The following RAB15 variants were observed in gnomAD, a reference collection of about 807,000 sequenced individuals.
The protein encoded by RAB15 is ras-related protein Rab-15.
A neutral mutation model predicts 31.8 loss-of-function variants in RAB15; 13 were observed. The observed-to-expected ratio is 0.41, with a 90% CI of 0.27 to 0.65. RAB15 has a LOEUF of 0.65. RAB15 is among the 30% of genes least tolerant of loss of function. The pLI, the probability that RAB15 is intolerant of heterozygous loss-of-function variation, is 0.32. For synonymous variants in RAB15, 100 were observed against 105.6 expected (o/e 0.95, Z 0.33); for missense variants, 220 against 277.3 (o/e 0.79, Z 1.47).
At chr14:64,956,915 C>A (rs1001551050) in intron 1 of RAB15, among the ~76,000 whole-genome samples, 8 of 150,802 alleles carry the variant, frequency 5.3e-5, no homozygotes, top group Non-Finnish European at 7.4e-5. Flanking sequence ...TCAGGCAAGT[C>A]TCAACTTCTC....
rs940656845 is a variant in RAB15, at chr14:64,950,799, G to A, written c.324+275C>T. The A allele has an allele frequency of 1.5e-6, 1 of 649,884 alleles. No homozygotes were observed. The highest frequency in any genetic ancestry group is 2.7e-6 in the Non-Finnish European group (1 of 372,014). The allele number at this position is 649,884 out of a possible 1,614,324, so 40.3% of individuals were successfully genotyped here. On this transcript the variant is annotated intron_variant, in intron 4 of 6. Coordinates refer to ENST00000533601, the MANE Select transcript of RAB15 (RefSeq NM_001308154.2). This position sits in a 1 kb window ranked among gnomAD's most constrained non-coding sequence, Gnocchi z 5.6. ...AGATCCCAATCTTGCAACTCCACCT[G>A]GTCCCAAGATTTCAGGAAAGAAGCT...
chr14:64,964,742 AT>A (rs1456555920), intron 1 of RAB15, among the ~76,000 whole-genome samples: 3 of 151,578 alleles, frequency 2.0e-5, no homozygotes, highest in Admixed American at 6.6e-5. Flanking sequence ...CACCCGGCTA[AT>A]TTTTTGTATT....
rs1886243919 is a variant in RAB15 at position 64,951,459 on chromosome 14, C to G, written c.246+144G>C. On this transcript the variant is annotated intron_variant, in intron 3 of 6. Transcript: ENST00000533601. The surrounding 1 kb of genome is among the most constrained non-coding windows in gnomAD (Gnocchi z 7.2). ...CATGAACAATGGACGGACAAATGAT[C>G]AGTGAACAGCTGAAAGACGCCCTGC... 2 of 812,052 alleles carry G rather than the reference C, an allele frequency of 2.5e-6. No individual in the cohort carries two copies. The highest frequency in any genetic ancestry group is 1.8e-5 in the Admixed American group (1 of 56,666). The allele number at this position is 812,052 out of a possible 1,614,324, so 50.3% of individuals were successfully genotyped here.
Position 64,948,615 on chromosome 14 carries a change from C to A in RAB15, c.480+53G>T. ...GTCCATCTTATGGCTCCTCCTCCCA[C>A]CTCTGCTGGACTCAGCCCGAGAGAG... is the stretch of plus-strand genomic sequence containing the variant. On this transcript the variant is annotated intron_variant, in intron 6 of 6. Transcript: ENST00000533601. The surrounding 1 kb of genome is among the most constrained non-coding windows in gnomAD (Gnocchi z 7.0). 3 of 1,612,232 alleles carry A rather than the reference C, an allele frequency of 1.9e-6. No individual in the cohort carries two copies. Among genetic ancestry groups the A allele is most frequent in the Non-Finnish European group, 2.5e-6 (3 of 1,178,578 alleles).
intron 5 of RAB15, among the ~76,000 whole-genome samples, chr14:64,949,207 G>A (rs1211608746): frequency 6.6e-6 from 1 of 152,236 alleles, no homozygotes; most frequent in African/African-American, 2.4e-5. Flanking sequence ...GTGGGGTCGT[G>A]CACTTAAAAG....
chr14:64,962,947 A>G lies in RAB15; in HGVS notation c.124+9006T>C, dbSNP rs149012368. Among the ~76,000 whole-genome samples the G allele has an allele frequency of 6.4e-4, 97 of 152,174 alleles. No homozygotes were observed. The highest frequency in any genetic ancestry group is 2.3e-3 in the African/African-American group (94 of 41,512). ...GAAGAATACACCAAGAAACTTCTCA[A>G]ATGCCAGCAAGGCCAACTTCAGAAC... On this transcript the variant is annotated intron_variant, in intron 1 of 6. Transcript: ENST00000533601. The surrounding 1 kb of genome is among the most constrained non-coding windows in gnomAD (Gnocchi z 4.2).
rs1165246293 is a variant in RAB15, at chr14:64,963,109, C to CTT, written c.124+8842_124+8843dup. ...TCAGGATCAGTGTTCCCCTTCCCCA[C>CTT]TTTTTTTTTTTTTTTTTTTTTTTTT... On this transcript the variant is annotated intron_variant, in intron 1 of 6. Coordinates refer to ENST00000533601, the MANE Select transcript of RAB15 (RefSeq NM_001308154.2). Among the ~76,000 whole-genome samples, 135 of 96,404 alleles carry CTT rather than the reference C, an allele frequency of 1.4e-3. 3 individuals carry two copies. The highest frequency in any genetic ancestry group is 0.011 in the East Asian group (32 of 2,912). 63.2% of individuals were successfully genotyped at this position (96,404 alleles called of 152,430 possible). A position where few individuals can be genotyped will look rare whatever the true frequency, so the allele number is the denominator to read the frequency against.
chr14:64,964,872 G>C (rs1594951857), intron 1 of RAB15, among the ~76,000 whole-genome samples: 1 of 152,096 alleles, frequency 6.6e-6, no homozygotes, highest in East Asian at 2.0e-4. Context: ...ACCGCACCCA[G>C]CCATAACCCA....
chr14:64,952,839 A>G lies in RAB15; in HGVS notation c.125-268T>C, dbSNP rs560681058. 4.6e-5 allele frequency among the ~76,000 whole-genome samples: 7 copies of G among 152,306 alleles called. No individual in the cohort carries two copies. The highest frequency in any genetic ancestry group is 1.7e-4 in the African/African-American group (7 of 41,574). ...AGGGAGAGTGAATCTGGGGAAATCT[A>G]CTTCATCACTGCCTTACTCGACAGA... On this transcript the variant is annotated intron_variant, in intron 1 of 6. Coordinates refer to ENST00000533601, the MANE Select transcript of RAB15 (RefSeq NM_001308154.2). This position sits in a 1 kb window ranked among gnomAD's most constrained non-coding sequence, Gnocchi z 4.2.
In RAB15 at chr14:64,954,693, A is replaced by G. The variant is rs1014516434; in HGVS notation, c.125-2122T>C. On this transcript the variant is annotated intron_variant, in intron 1 of 6. Transcript: ENST00000533601. The surrounding 1 kb of genome is among the most constrained non-coding windows in gnomAD (Gnocchi z 4.3). ...GTCAATGGCTAGCCAGGGTCAGCAC[A>G]GCACGTGCAGAGATTCCAACACAGG... 6.6e-6 allele frequency among the ~76,000 whole-genome samples: 1 copy of G among 152,238 alleles called. No homozygotes were observed. Among genetic ancestry groups the G allele is most frequent in the Non-Finnish European group, 1.5e-5 (1 of 68,032 alleles).
rs929691621 is a variant in RAB15 at position 64,968,367 on chromosome 14, C to T, written c.124+3586G>A. Among the ~76,000 whole-genome samples the T allele has an allele frequency of 6.6e-6, 1 of 152,220 alleles. No homozygotes were observed. The highest frequency in any genetic ancestry group is 1.5e-5 in the Non-Finnish European group (1 of 68,044). ...GCCCACACTGAGGCCTAGCTTCAGCCTTCCCTGCCGGTTCTAGTCCACAGG... is the reference window on the plus strand; with the variant it reads ...GCCCACACTGAGGCCTAGCTTCAGCTTTCCCTGCCGGTTCTAGTCCACAGG... On this transcript the variant is annotated intron_variant, in intron 1 of 6. Coordinates refer to ENST00000533601, the MANE Select transcript of RAB15 (RefSeq NM_001308154.2). The surrounding 1 kb of genome is among the most constrained non-coding windows in gnomAD (Gnocchi z 4.9).
In RAB15 at chr14:64,954,482, C is replaced by T. The variant is rs1886430979; in HGVS notation, c.125-1911G>A. ...CTAGCCTAGCAAACCTGGCCAAGGA[C>T]AGTGCCTTGTGCAAAGCCATCACAA... On this transcript the variant is annotated intron_variant, in intron 1 of 6. Transcript: ENST00000533601. The surrounding 1 kb of genome is among the most constrained non-coding windows in gnomAD (Gnocchi z 4.3). 8.1e-6 allele frequency: 8 copies of T among 985,344 alleles called. No homozygotes were observed. The African/African-American group carries it at 1.2e-4, about 15-fold the overall frequency. The allele number at this position is 985,344 out of a possible 1,614,324, so 61.0% of individuals were successfully genotyped here.
chr14:64,963,830 C>A (rs1000009500), intron 1 of RAB15, among the ~76,000 whole-genome samples: 13 of 152,194 alleles, frequency 8.5e-5, no homozygotes, highest in South Asian at 2.1e-4. Flanking sequence ...GTGCTTCCCC[C>A]ACACCCAGGG....
In RAB15 at chr14:64,952,443, AG is replaced by A; in HGVS notation, c.185+67del. 8.5e-7 allele frequency: 1 copy of A among 1,181,010 alleles called. No individual in the cohort carries two copies. Among genetic ancestry groups the A allele is most frequent in the Non-Finnish European group, 1.3e-6 (1 of 794,522 alleles). The allele number at this position is 1,181,010 out of a possible 1,614,324, so 73.2% of individuals were successfully genotyped here. A position where few individuals can be genotyped will look rare whatever the true frequency, so the allele number is the denominator to read the frequency against. On this transcript the variant is annotated intron_variant, in intron 2 of 6. Transcript: ENST00000533601. The surrounding 1 kb of genome is among the most constrained non-coding windows in gnomAD (Gnocchi z 4.2). ...GAAGCCTAGGAATTTTACACATGGCAGGGGCAGCTAAGGAGCAGCCAGAAGT... is the reference window on the plus strand; with the variant it reads ...GAAGCCTAGGAATTTTACACATGGCAGGGCAGCTAAGGAGCAGCCAGAAGT...
Position 64,951,760 on chromosome 14 carries a change from G to C in RAB15, c.186-97C>G. On this transcript the variant is annotated intron_variant, in intron 2 of 6. Coordinates refer to ENST00000533601, the MANE Select transcript of RAB15 (RefSeq NM_001308154.2). This position sits in a 1 kb window ranked among gnomAD's most constrained non-coding sequence, Gnocchi z 7.2. ...GTCCCCTTGTAGGAAAAACTGGGGA[G>C]CTAAAGGGTGAAAAACCAGGGATGC... 9.5e-7 allele frequency: 1 copy of C among 1,053,460 alleles called. No homozygotes were observed. The allele number at this position is 1,053,460 out of a possible 1,614,324, so 65.3% of individuals were successfully genotyped here. A position where few individuals can be genotyped will look rare whatever the true frequency, so the allele number is the denominator to read the frequency against.
In RAB15 at chr14:64,951,681, T is replaced by C. The variant is rs375263502; in HGVS notation, c.186-18A>G. 6.2e-7 allele frequency: 1 copy of C among 1,611,280 alleles called. No individual in the cohort carries two copies. The highest frequency in any genetic ancestry group is 8.5e-7 in the Non-Finnish European group (1 of 1,177,450). Reference sequence around the variant, plus strand: ...CAGTGTCCCTGCAGGAGAAAGCCAGTCCCTCAGAGGAGCAGGGACCATGGG... The same window carrying C: ...CAGTGTCCCTGCAGGAGAAAGCCAGCCCCTCAGAGGAGCAGGGACCATGGG... On this transcript the variant is annotated intron_variant, in intron 2 of 6. Transcript: ENST00000533601. The surrounding 1 kb of genome is among the most constrained non-coding windows in gnomAD (Gnocchi z 7.2).
chr14:64,950,962 G>T lies in RAB15; in HGVS notation c.324+112C>A. ...ACTCACCCAGAGGTCTTCATCCAGG[G>T]CTGTGGAAGGCAAAGCTTCCTGGAA... On this transcript the variant is annotated intron_variant, in intron 4 of 6. Coordinates refer to ENST00000533601, the MANE Select transcript of RAB15 (RefSeq NM_001308154.2). This position sits in a 1 kb window ranked among gnomAD's most constrained non-coding sequence, Gnocchi z 5.6. 1 of 1,613,322 alleles carries T rather than the reference G, an allele frequency of 6.2e-7. No individual in the cohort carries two copies. Among genetic ancestry groups the T allele is most frequent in the Non-Finnish European group, 8.5e-7 (1 of 1,179,364 alleles).
rs1268495001 is a variant in RAB15, at chr14:64,953,161, C to T, written c.125-590G>A. ...TCTTGGTTGCTGACTCACTCATTCA[C>T]CATAGGAGGCACTGTGGTTGACTAG... On this transcript the variant is annotated intron_variant, in intron 1 of 6. Coordinates refer to ENST00000533601, the MANE Select transcript of RAB15 (RefSeq NM_001308154.2). The surrounding 1 kb of genome is among the most constrained non-coding windows in gnomAD (Gnocchi z 4.6). 3.3e-5 allele frequency among the ~76,000 whole-genome samples: 5 copies of T among 152,320 alleles called. No individual in the cohort carries two copies. Among genetic ancestry groups the T allele is most frequent in the African/African-American group, 1.2e-4 (5 of 41,562 alleles).
chr14:64,969,144 T>G (rs914197005), intron 1 of RAB15, among the ~76,000 whole-genome samples: 9 of 152,354 alleles, frequency 5.9e-5, no homozygotes, highest in Non-Finnish European at 7.3e-5. Context: ...CATGGTCATG[T>G]AATGTGTTTT....
Sources: allele counts gnomAD v4.1 joint callset (sites outside exome capture counted in the v4.1 genomes callset), GRCh38; gene constraint gnomAD v4.1.1; non-coding constraint Gnocchi (gnomAD v3.1); transcripts MANE v1.5; gene names NCBI Gene and HGNC (gene_info 2026-07-23, HGNC 2026-07-21).